B3GLCT: variants seen among roughly 807,000 people sequenced by gnomAD.
B3GLCT encodes the protein beta 3-glucosyltransferase.
B3GLCT carries 65 observed loss-of-function variants against 63.4 expected under a neutral mutation model. That is an observed-to-expected ratio of 1.03 (90% CI 0.84 to 1.26). The LOEUF is 1.26. B3GLCT is among the 50% of genes most tolerant of loss of function. The pLI, the probability that B3GLCT is intolerant of heterozygous loss-of-function variation, is 0.00. For synonymous variants in B3GLCT, 233 were observed against 219.2 expected (o/e 1.06, Z -0.55); for missense variants, 577 against 604.8 (o/e 0.95, Z 0.48).
intron 12 of B3GLCT, among the ~76,000 whole-genome samples, chr13:31,293,066 A>G (rs1009388683): frequency 1.3e-5 from 2 of 152,120 alleles, no homozygotes; most frequent in Non-Finnish European, 2.9e-5. Context: ...TTACTTACCC[A>G]TAGTCATTCA....
chr13:31,319,258 C>T (rs1006018821), intron 13 of B3GLCT, among the ~76,000 whole-genome samples: 2 of 152,208 alleles, frequency 1.3e-5, no homozygotes, highest in Non-Finnish European at 2.9e-5. Flanking sequence ...TGGGTACTTC[C>T]CACCACCTCT....
intron 13 of B3GLCT, among the ~76,000 whole-genome samples, chr13:31,322,669 A>C (rs959511486): frequency 2.0e-5 from 3 of 152,222 alleles, no homozygotes; most frequent in Non-Finnish European, 2.9e-5. Context: ...ATAATTACAT[A>C]TTAAAATTTC....
At chr13:31,216,459 G>C (rs1036710554) in intron 2 of B3GLCT, among the ~76,000 whole-genome samples, 6 of 151,480 alleles carry the variant, frequency 4.0e-5, no homozygotes, top group Non-Finnish European at 7.4e-5. Context: ...TTTTCAACTT[G>C]TGTTTTAGGT....
chr13:31,282,899 T>TTA (rs1555252570), intron 10 of B3GLCT, among the ~76,000 whole-genome samples: 1 of 152,188 alleles, frequency 6.6e-6, no homozygotes, highest in Non-Finnish European at 1.5e-5. Flanking sequence ...ATTCAACTGT[T>TTA]TATTGAGTGT....
chr13:31,317,301 G>T (rs1190064211), intron 12 of B3GLCT, among the ~76,000 whole-genome samples: 1 of 152,204 alleles, frequency 6.6e-6, no homozygotes. Context: ...CCGTATTATG[G>T]CAGGGGCTTG....
intron 4 of B3GLCT, among the ~76,000 whole-genome samples, chr13:31,231,763 C>T (rs1388389249): frequency 6.6e-6 from 1 of 152,072 alleles, no homozygotes; most frequent in Non-Finnish European, 1.5e-5. Context: ...TAAAGTATTC[C>T]TTCTTCTCCT....
At chr13:31,323,474 A>G (rs557974100) in intron 13 of B3GLCT, among the ~76,000 whole-genome samples, 57 of 152,348 alleles carry the variant, frequency 3.7e-4, no homozygotes, top group African/African-American at 1.3e-3. Context: ...TGGTATGAAA[A>G]GATTCATTTC....
At chr13:31,286,998 A>G (rs1021917041) in intron 12 of B3GLCT, among the ~76,000 whole-genome samples, 179 bp downstream of exon 12, 6 of 152,338 alleles carry the variant, frequency 3.9e-5, no homozygotes, top group African/African-American at 1.4e-4. Flanking sequence ...CACACTGAAT[A>G]TTAGGTGCAA....
At chr13:31,237,747 A>T (rs1415017434) in intron 4 of B3GLCT, among the ~76,000 whole-genome samples, 1 of 152,198 alleles carries the variant, frequency 6.6e-6, no homozygotes, top group Non-Finnish European at 1.5e-5. Context: ...ACTAAGAGGC[A>T]TAAGTTGTTG....
chr13:31,317,579 C>T lies in B3GLCT; in HGVS notation c.1078C>T (p.Gln360Ter). Residue 360 changes from glutamine (Q) to a stop codon, truncating the protein, a stop_gained, in exon 13 of 15, where the codon CAG (glutamine) becomes TAG (stop). Coordinates refer to ENST00000343307, the MANE Select transcript of B3GLCT (RefSeq NM_194318.4). LOFTEE classifies it high-confidence loss of function. ...DDTLISISRL[Q>*]HLLSCYDSGE... ...TTGGCATCTCAGTATCTCCAGGCTC[C>T]AGCACTTGCTTAGCTGTTATGACTC... is the stretch of plus-strand genomic sequence containing the variant. 6.2e-7 allele frequency: 1 copy of T among 1,614,014 alleles called. No individual in the cohort carries two copies. The highest frequency in any genetic ancestry group is 8.5e-7 in the Non-Finnish European group (1 of 1,179,944).
chr13:31,312,790 T>C (rs2137926035), intron 12 of B3GLCT: 1 of 152,276 alleles, frequency 6.6e-6, no homozygotes, highest in African/African-American at 2.4e-5. Context: ...GAATTAAAAG[T>C]TAGAAAATCA....
intron 10 of B3GLCT, among the ~76,000 whole-genome samples, chr13:31,278,981 C>T (rs1872928380): frequency 6.6e-6 from 1 of 152,146 alleles, no homozygotes; most frequent in Non-Finnish European, 1.5e-5. Flanking sequence ...GGTTTTCTGG[C>T]TCCTAAGTCC....
At chr13:31,214,008 G>T (rs1254064858) in intron 1 of B3GLCT, among the ~76,000 whole-genome samples, 1 of 150,816 alleles carries the variant, frequency 6.6e-6, no homozygotes, top group Non-Finnish European at 1.5e-5. Context: ...GTTAATGCAG[G>T]ATTTGAGGCA....
chr13:31,201,983 C>G (rs991380565), intron 1 of B3GLCT, among the ~76,000 whole-genome samples: 1 of 152,132 alleles, frequency 6.6e-6, no homozygotes, highest in African/African-American at 2.4e-5. Context: ...TCTTCGAGGT[C>G]TGAAGTGAAT....
chr13:31,264,932 T>TATTG (rs1420483149), intron 7 of B3GLCT, among the ~76,000 whole-genome samples: 1 of 152,208 alleles, frequency 6.6e-6, no homozygotes, highest in African/African-American at 2.4e-5. Flanking sequence ...ATCTAGCAGT[T>TATTG]TATCAATATC....
At chr13:31,288,038 G>C (rs59328127) in intron 12 of B3GLCT, among the ~76,000 whole-genome samples, 1,761 of 152,284 alleles carry the variant, frequency 0.012, 70 homozygotes, top group East Asian at 0.069. Flanking sequence ...ATATGCAATT[G>C]AAATCTCCAA....
At chr13:31,261,494 A>T (rs1303837159) in intron 7 of B3GLCT, among the ~76,000 whole-genome samples, 1 of 152,210 alleles carries the variant, frequency 6.6e-6, no homozygotes, top group Non-Finnish European at 1.5e-5. Context: ...CATTAGGTGC[A>T]TGGGTATGCA....
intron 12 of B3GLCT, among the ~76,000 whole-genome samples, chr13:31,288,129 A>T (rs577211266): frequency 6.6e-6 from 1 of 152,186 alleles, no homozygotes; most frequent in Non-Finnish European, 1.5e-5. Context: ...AAGAGTGTCA[A>T]TGAACCCCAG....
intron 12 of B3GLCT, among the ~76,000 whole-genome samples, chr13:31,299,487 C>T (rs2137904453): frequency 6.6e-6 from 1 of 152,220 alleles, no homozygotes; most frequent in Middle Eastern, 3.4e-3. Context: ...CCATTTGTAG[C>T]CCCATAGGGC....
Sources: allele counts gnomAD v4.1 joint callset (sites outside exome capture counted in the v4.1 genomes callset), GRCh38; gene constraint gnomAD v4.1.1; transcripts MANE v1.5; gene names NCBI Gene and HGNC (gene_info 2026-07-23, HGNC 2026-07-21).